VPS13D: variants seen among roughly 807,000 people sequenced by gnomAD.
VPS13D encodes the protein vacuolar protein sorting 13 homolog D.
Under a neutral mutation model 461.9 loss-of-function variants are expected in VPS13D, and 187 were observed. That is an observed-to-expected ratio of 0.40 (90% CI 0.36 to 0.46). VPS13D has a LOEUF of 0.46. Among genes scored for constraint, VPS13D ranks in the 20% least tolerant of loss-of-function variants. The probability of loss-of-function intolerance (pLI) is 0.60; values close to 1 mark genes in which losing one functional copy is unlikely to be tolerated. For synonymous variants in VPS13D, 1,951 were observed against 1,986.3 expected, an observed-to-expected ratio of 0.98 and a Z score of 0.47; for missense variants, 4,711 against 5,364.9, an observed-to-expected ratio of 0.88 and a Z score of 3.81.
rs151062220 is a variant in VPS13D at position 12,428,160 on chromosome 1, T to C, written c.12333+11333T>C. On this transcript the variant is annotated intron_variant, in intron 65 of 69. Transcript: ENST00000620676. ...CCCCCTAAGAGGAAAAGGAAGGTAC[T>C]TCTAGAAGCGGGTGAGAGTCTGGCT... Among the ~76,000 whole-genome samples the C allele has an allele frequency of 7.2e-5, 11 of 152,344 alleles. 1 individual carries two copies. The East Asian group carries it at 1.9e-3, about 27-fold the overall frequency.
rs1557689654 is a variant in VPS13D at position 12,291,138 on chromosome 1, TC to T, written c.5852+15del. The T allele has an allele frequency of 6.2e-7, 1 of 1,607,772 alleles. No individual in the cohort carries two copies. The highest frequency in any genetic ancestry group is 2.2e-5 in the East Asian group (1 of 44,798). ...CCAGACTTTTAAGTAAAAATGTCAA[TC>T]TTTTTCTGACTTGATATTTTATCAT... On this transcript the variant is annotated intron_variant, in intron 23 of 69. Transcript: ENST00000620676.
intron 67 of VPS13D, among the ~76,000 whole-genome samples, chr1:12,484,386 G>A (rs1376163985): frequency 1.3e-5 from 2 of 152,168 alleles, no homozygotes; most frequent in Non-Finnish European, 2.9e-5. Flanking sequence ...TGAGTTTGTT[G>A]TTATTGCCTT....
intron 9 of VPS13D, among the ~76,000 whole-genome samples, chr1:12,257,305 A>G (rs985950529): frequency 6.6e-6 from 1 of 152,232 alleles, no homozygotes. Context: ...GACTGAGTGT[A>G]GTAAAATTCA....
At chr1:12,460,134 G>A (rs939753123) in intron 66 of VPS13D, 67 bp from the exon 67 acceptor site, 7 of 1,387,012 alleles carry the variant, frequency 5.0e-6, no homozygotes, top group Non-Finnish European at 5.8e-6. Flanking sequence ...ATAATCAAGG[G>A]GTTTGGCTTT....
rs138361266 is a variant in VPS13D at position 12,283,246 on chromosome 1, A to T, written c.5144A>T (p.Asn1715Ile). The change falls in exon 21 of 70, where the codon AAT becomes ATT. Residue 1715 changes from asparagine (N) to isoleucine (I), a missense_variant. Physicochemically the swap from Asn to Ile is moderately radical, Grantham distance 149 (BLOSUM62 -3). Transcript: ENST00000620676. ...YLSQSCPSVSNVEYPDMPRSL... is the reference protein window; with the variant it reads ...YLSQSCPSVSIVEYPDMPRSL... ...TCTCAGTCTTGCCCCTCAGTGTCCA[A>T]TGTGGAATATCCTGATATGCCTCGG... 1 of 1,614,008 alleles carries T rather than the reference A, an allele frequency of 6.2e-7. No homozygotes were observed. Among genetic ancestry groups the T allele is most frequent in the African/African-American group, 1.3e-5 (1 of 74,914 alleles).
At chr1:12,392,186 A>G (rs1426658989) in intron 60 of VPS13D, among the ~76,000 whole-genome samples, 1 of 152,118 alleles carries the variant, frequency 6.6e-6, no homozygotes, top group East Asian at 1.9e-4. Flanking sequence ...TTCTTTTGCC[A>G]TAAATGACTA....
chr1:12,326,280 C>CTT lies in VPS13D; in HGVS notation c.7991-1354_7991-1353dup, dbSNP rs141587637. On this transcript the variant is annotated intron_variant, in intron 35 of 69. Coordinates refer to ENST00000620676, the MANE Select transcript of VPS13D (RefSeq NM_015378.4). ...ACTCTTTCTTTAACAATTCGAGCACCTTTTTTTTTTTTTTTAATTAAAGTT... is the reference window on the plus strand; with the variant it reads ...ACTCTTTCTTTAACAATTCGAGCACCTTTTTTTTTTTTTTTTTAATTAAAGTT... Among the ~76,000 whole-genome samples, 335 of 93,502 alleles carry CTT rather than the reference C, an allele frequency of 3.6e-3. 3 individuals are homozygous for CTT. The highest frequency in any genetic ancestry group is 0.013 in the African/African-American group (296 of 23,576). The allele number at this position is 93,502 out of a possible 152,430, so 61.3% of individuals were successfully genotyped here.
intron 4 of VPS13D, 47 bp downstream of exon 4, chr1:12,244,483 T>C (rs1245407259): frequency 1.2e-6 from 2 of 1,613,972 alleles, no homozygotes; most frequent in Non-Finnish European, 1.7e-6. Flanking sequence ...TGGTGACACG[T>C]GTAAGATGAG....
In VPS13D at chr1:12,279,781, A is replaced by G; in HGVS notation, c.4602+131A>G. On this transcript the variant is annotated intron_variant, in intron 20 of 69. Coordinates refer to ENST00000620676, the MANE Select transcript of VPS13D (RefSeq NM_015378.4). The surrounding 1 kb of genome is among the most constrained non-coding windows in gnomAD (Gnocchi z 4.3). Reference sequence around the variant, plus strand: ...AGATATATCACCCATGCATAATACCATTGTTGAAACCTTGTTCCAATAATT... The same window carrying G: ...AGATATATCACCCATGCATAATACCGTTGTTGAAACCTTGTTCCAATAATT... The G allele has an allele frequency of 1.2e-6, 1 of 812,634 alleles. No homozygotes were observed. The allele number at this position is 812,634 out of a possible 1,614,324, so 50.3% of individuals were successfully genotyped here. A position where few individuals can be genotyped will look rare whatever the true frequency, so the allele number is the denominator to read the frequency against.
intron 18 of VPS13D, 85 bp downstream of exon 18, chr1:12,273,220 T>C (rs1225646134): frequency 6.8e-7 from 1 of 1,466,412 alleles, no homozygotes; most frequent in Middle Eastern, 1.8e-4. Flanking sequence ...CTTAATAAAA[T>C]GTTTATGTAA....
At position 12,392,563 on chromosome 1, in the gene VPS13D, AAG is replaced by A. The variant is rs1491036863; in HGVS notation, c.11634+6231_11634+6232del. Among the ~76,000 whole-genome samples, 106 of 151,252 alleles carry A rather than the reference AAG, an allele frequency of 7.0e-4. 4 individuals are homozygous for A. In the South Asian group the frequency reaches 0.021, roughly 30 times the overall value. On this transcript the variant is annotated intron_variant, in intron 60 of 69. Coordinates refer to ENST00000620676, the MANE Select transcript of VPS13D (RefSeq NM_015378.4). ...TAAATGTTAAAAAAAAAAAAAAAAA[AAG>A]AAAGCACACAGTTCAGGATGGGCAG... is the stretch of plus-strand genomic sequence containing the variant.
rs1235323705 is a variant in VPS13D, at chr1:12,505,730, G to A, written c.12795-1123G>A. The stretch of plus-strand genomic sequence containing the variant: ...GCTCAAAAGTGGAGGAGGGGCTGGA[G>A]TATGTGGGGGATGCTTCACAGAGAA... On this transcript the variant is annotated intron_variant, in intron 68 of 69. Coordinates refer to ENST00000620676, the MANE Select transcript of VPS13D (RefSeq NM_015378.4). This position sits in a 1 kb window ranked among gnomAD's most constrained non-coding sequence, Gnocchi z 4.2. 6.6e-6 allele frequency among the ~76,000 whole-genome samples: 1 copy of A among 152,240 alleles called. No individual in the cohort carries two copies. The highest frequency in any genetic ancestry group is 6.5e-5 in the Admixed American group (1 of 15,282).
intron 29 of VPS13D, 73 bp from the exon 30 acceptor site, chr1:12,314,042 T>C: frequency 7.2e-7 from 1 of 1,390,056 alleles, no homozygotes; most frequent in Non-Finnish European, 1.0e-6. Flanking sequence ...GCTCGTTATC[T>C]CGAACTTATA....
At chr1:12,305,089 C>T (rs1287448819) in intron 26 of VPS13D, among the ~76,000 whole-genome samples, 1 of 151,650 alleles carries the variant, frequency 6.6e-6, no homozygotes, top group Non-Finnish European at 1.5e-5. Context: ...TCCTTGCAAA[C>T]CACTAAGTCT....
Position 12,262,061 on chromosome 1 carries a change from C to T in VPS13D, c.1575C>T (p.Phe525=), listed in dbSNP as rs775879660. Residue 525 remains phenylalanine, a synonymous_variant, in exon 13 of 70, where the codon TTC becomes TTT. Coordinates refer to ENST00000620676, the MANE Select transcript of VPS13D (RefSeq NM_015378.4). ...CTCCTCAAATGAATGAAAGTGCTTT[C>T]ATGCAGCTCGAGTTTTCAGGTACAC... ...QGTPQMNESA[F]MQLEFSDVKL... 3.7e-6 allele frequency: 6 copies of T among 1,611,352 alleles called. No individual in the cohort carries two copies. The Admixed American group carries it at 8.4e-5, about 22-fold the overall frequency.
chr1:12,410,692 C>A (rs1331783294), intron 63 of VPS13D, among the ~76,000 whole-genome samples: 2 of 151,798 alleles, frequency 1.3e-5, no homozygotes, highest in African/African-American at 4.8e-5. Flanking sequence ...AATTATAGAC[C>A]AGCACTTTTT....
At chr1:12,445,179 CTG>C (rs1397892880) in intron 65 of VPS13D, among the ~76,000 whole-genome samples, 1 of 152,212 alleles carries the variant, frequency 6.6e-6, no homozygotes, top group African/African-American at 2.4e-5. Flanking sequence ...CTTAAGGAAA[CTG>C]AGTCCTGAAG....
intron 60 of VPS13D, among the ~76,000 whole-genome samples, chr1:12,397,479 A>G (rs1160804424): frequency 6.6e-6 from 1 of 152,230 alleles, no homozygotes; most frequent in African/African-American, 2.4e-5. Flanking sequence ...AGGAGAAGAC[A>G]ATATGGTCGA....
chr1:12,258,090 C>A lies in VPS13D; in HGVS notation c.1097C>A (p.Ser366Tyr). 1 of 1,614,182 alleles carries A rather than the reference C, an allele frequency of 6.2e-7. No individual in the cohort carries two copies. Among genetic ancestry groups the A allele is most frequent in the Non-Finnish European group, 8.5e-7 (1 of 1,180,034 alleles). The change falls in exon 10 of 70, where the codon TCC becomes TAC. Residue 366 changes from serine to tyrosine, a missense_variant. Transcript: ENST00000620676. The part of the protein sequence containing the change: ...YFNKLKGGLL[S>Y]TDDKEEMCRI... ...AACAAGTTAAAAGGAGGCCTGCTGT[C>A]CACAGATGACAAGGTAAGTGGACTG...
Sources: gnomAD v4.1 joint callset for allele counts (sites outside exome capture counted in the v4.1 genomes callset) on GRCh38, gnomAD v4.1.1 for gene constraint, Gnocchi (gnomAD v3.1) non-coding constraint, MANE v1.5 for transcripts, NCBI Gene and HGNC (gene_info 2026-07-23, HGNC 2026-07-21) for gene names.